Variants in RASGEF1C observed in about 807,000 individuals in gnomAD.
RASGEF1C encodes the protein ras-GEF domain-containing family member 1C.
RASGEF1C carries 27 observed loss-of-function variants against 58.1 expected under a neutral mutation model. The ratio of observed to expected loss-of-function variants is 0.46; its 90% CI spans 0.34 to 0.64. The LOEUF (loss-of-function observed/expected upper bound fraction) is 0.64. Among genes scored for constraint, RASGEF1C ranks in the 30% least tolerant of loss-of-function variants. The pLI is 0.01. For synonymous variants in RASGEF1C, 243 were observed against 246.3 expected (o/e 0.99, Z 0.13); for missense variants, 502 against 605.1 (o/e 0.83, Z 1.79).
At chr5:180,149,671 G>T (rs373327061) in intron 1 of RASGEF1C, among the ~76,000 whole-genome samples, 1 of 151,762 alleles carries the variant, frequency 6.6e-6, no homozygotes, top group East Asian at 1.9e-4. Flanking sequence ...GGCCAGGATG[G>T]TCTCCATCTC....
intron 1 of RASGEF1C, among the ~76,000 whole-genome samples, chr5:180,205,125 G>A (rs1756466492): frequency 1.3e-5 from 2 of 152,168 alleles, no homozygotes; most frequent in Non-Finnish European, 2.9e-5. Flanking sequence ...GAAGGTGGAG[G>A]TTGTGGTGAG....
chr5:180,121,662 CACACACACACACACACACA>C (rs951395371), intron 6 of RASGEF1C, among the ~76,000 whole-genome samples: 12 of 87,356 alleles, frequency 1.4e-4, no homozygotes, highest in African/African-American at 2.7e-4. Flanking sequence ...CACACACACA[CACACACACACACACACACA>C]CCCTCATTAT....
At chr5:180,170,239 G>A (rs951055981) in intron 1 of RASGEF1C, among the ~76,000 whole-genome samples, 11 of 152,208 alleles carry the variant, frequency 7.2e-5, no homozygotes, top group Admixed American at 2.0e-4. Context: ...CAGGGGAGGG[G>A]CCGAGAGCTC....
chr5:180,194,382 C>T (rs1483617276), intron 1 of RASGEF1C, among the ~76,000 whole-genome samples: 2 of 152,224 alleles, frequency 1.3e-5, no homozygotes, highest in African/African-American at 2.4e-5. Context: ...ATTTCAAGAA[C>T]GGTGACATGC....
At chr5:180,195,369 AGAC>A (rs1756247295) in intron 1 of RASGEF1C, among the ~76,000 whole-genome samples, 1 of 152,210 alleles carries the variant, frequency 6.6e-6, no homozygotes, top group Admixed American at 6.5e-5. Flanking sequence ...GAGGTGTATG[AGAC>A]GACGACACGG....
chr5:180,155,786 A>G lies in RASGEF1C; in HGVS notation c.-6-17728T>C, dbSNP rs1766839221. Among the ~76,000 whole-genome samples, 1 of 152,026 alleles carries G rather than the reference A, an allele frequency of 6.6e-6. No individual in the cohort carries two copies. The highest frequency in any genetic ancestry group is 2.4e-5 in the African/African-American group (1 of 41,396). ...GAGAGGCACAGCCCAGTCACTCCCCAAGCCACAGTGAAGGGGTTTGTTTCA... is the reference window on the plus strand; with the variant it reads ...GAGAGGCACAGCCCAGTCACTCCCCGAGCCACAGTGAAGGGGTTTGTTTCA... On this transcript the variant is annotated intron_variant, in intron 1 of 13. Transcript: ENST00000361132. The surrounding 1 kb of genome is among the most constrained non-coding windows in gnomAD (Gnocchi z 5.2).
At chr5:180,199,272 C>T (rs955768881) in intron 1 of RASGEF1C, among the ~76,000 whole-genome samples, 16 of 152,144 alleles carry the variant, frequency 1.1e-4, no homozygotes, top group East Asian at 3.9e-4. Context: ...AGAAAATGGA[C>T]GCAAGCTTTC....
At chr5:180,124,528 A>G (rs911906297) in intron 6 of RASGEF1C, among the ~76,000 whole-genome samples, 17 of 152,226 alleles carry the variant, frequency 1.1e-4, no homozygotes, top group African/African-American at 3.1e-4. Context: ...TTGGTTCAAC[A>G]TTGATTAAAA....
In RASGEF1C at chr5:180,179,589, A is replaced by G. The variant is rs900789251; in HGVS notation, c.-7+29439T>C. Among the ~76,000 whole-genome samples the G allele has an allele frequency of 3.3e-5, 5 of 152,282 alleles. No homozygotes were observed. The East Asian group carries it at 7.7e-4, about 24-fold the overall frequency. The stretch of plus-strand genomic sequence containing the variant: ...CCAGCAAGAAAGCAGTGATCAATAC[A>G]GCAGCTGCCAGGGTGAGGAGGCTCC... On this transcript the variant is annotated intron_variant, in intron 1 of 13. Transcript: ENST00000361132.
At chr5:180,176,732 A>AC (rs1561752357) in intron 1 of RASGEF1C, among the ~76,000 whole-genome samples, 1 of 151,576 alleles carries the variant, frequency 6.6e-6, no homozygotes, top group Non-Finnish European at 1.5e-5. Context: ...AATTTTTTGT[A>AC]TTTTTAGTAG....
Position 180,157,634 on chromosome 5 carries a change from A to AC in RASGEF1C, c.-6-19577_-6-19576insG, listed in dbSNP as rs1320112388. ...AAGAGCAAAACTCCGTCTCAAAAAAAAAAAAACAACAAAAATGAAGTATCA... is the reference window on the plus strand; with the variant it reads ...AAGAGCAAAACTCCGTCTCAAAAAAACAAAAAACAACAAAAATGAAGTATCA... On this transcript the variant is annotated intron_variant, in intron 1 of 13. Coordinates refer to ENST00000361132, the MANE Select transcript of RASGEF1C (RefSeq NM_175062.4). Among the ~76,000 whole-genome samples, 5 of 152,030 alleles carry AC rather than the reference A, an allele frequency of 3.3e-5. No homozygotes were observed. In the East Asian group the frequency reaches 7.7e-4, roughly 23 times the overall value.
rs115749035 is a variant in RASGEF1C, at chr5:180,129,122, G to A, written c.439-512C>T. Reference sequence around the variant, plus strand: ...AGACAGGAGGTCAGTGGAAGGGCCAGGGCCCACGGGGGACTGACTGTGCCC... The same window carrying A: ...AGACAGGAGGTCAGTGGAAGGGCCAAGGCCCACGGGGGACTGACTGTGCCC... On this transcript the variant is annotated intron_variant, in intron 4 of 13. Transcript: ENST00000361132. Among the ~76,000 whole-genome samples, 285 of 152,338 alleles carry A rather than the reference G, an allele frequency of 1.9e-3. 1 individual carries two copies. The highest frequency in any genetic ancestry group is 3.7e-3 in the Non-Finnish European group (249 of 68,012).
chr5:180,169,886 G>T (rs564886591), intron 1 of RASGEF1C, among the ~76,000 whole-genome samples: 1 of 151,454 alleles, frequency 6.6e-6, no homozygotes, highest in South Asian at 2.1e-4. Flanking sequence ...CTGGGGCTGC[G>T]TGTTTGCTGT....
chr5:180,152,406 T>C (rs1405697117), intron 1 of RASGEF1C, among the ~76,000 whole-genome samples: 2 of 152,054 alleles, frequency 1.3e-5, no homozygotes, highest in South Asian at 2.1e-4. Flanking sequence ...AGTTCATGTC[T>C]TTTGAAGGGA....
At chr5:180,108,589 T>G (rs992548989) in intron 12 of RASGEF1C, among the ~76,000 whole-genome samples, 3 of 152,210 alleles carry the variant, frequency 2.0e-5, no homozygotes, top group African/African-American at 7.2e-5. Context: ...TCTGCCTTCT[T>G]TATTCTGCTG....
chr5:180,173,434 T>A (rs1350779459), intron 1 of RASGEF1C, among the ~76,000 whole-genome samples: 1 of 152,128 alleles, frequency 6.6e-6, no homozygotes, highest in African/African-American at 2.4e-5. Context: ...GGAAGGCAGA[T>A]CCCACACTGA....
In RASGEF1C at chr5:180,168,150, G is replaced by T. The variant is rs993623259; in HGVS notation, c.-6-30092C>A. Among the ~76,000 whole-genome samples the T allele has an allele frequency of 1.3e-5, 2 of 152,140 alleles. No homozygotes were observed. The highest frequency in any genetic ancestry group is 2.9e-5 in the Non-Finnish European group (2 of 68,036). The stretch of plus-strand genomic sequence containing the variant: ...AAAAACAAAAACAAACAAAAAAAAG[G>T]CCAGGCGCAGTGGCTCACACCTGTA... On this transcript the variant is annotated intron_variant, in intron 1 of 13. Coordinates refer to ENST00000361132, the MANE Select transcript of RASGEF1C (RefSeq NM_175062.4). This position sits in a 1 kb window ranked among gnomAD's most constrained non-coding sequence, Gnocchi z 6.0.
intron 6 of RASGEF1C, among the ~76,000 whole-genome samples, chr5:180,122,356 GA>G (rs974449672): frequency 1.3e-5 from 2 of 151,960 alleles, no homozygotes; most frequent in Admixed American, 1.3e-4. Flanking sequence ...ATATCCTTTG[GA>G]AAAAAAATTT....
intron 1 of RASGEF1C, among the ~76,000 whole-genome samples, chr5:180,173,837 C>CCT (rs1258059205): frequency 2.0e-5 from 3 of 150,716 alleles, no homozygotes; most frequent in Non-Finnish European, 4.4e-5. Flanking sequence ...CGCTTGAGCC[C>CCT]GGGAGGCGGA....
Sources: allele counts gnomAD v4.1 joint callset (sites outside exome capture counted in the v4.1 genomes callset), GRCh38; gene constraint gnomAD v4.1.1; non-coding constraint Gnocchi (gnomAD v3.1); transcripts MANE v1.5; gene names NCBI Gene and HGNC (gene_info 2026-07-23, HGNC 2026-07-21).